LAMB4: variants seen among roughly 807,000 people sequenced by gnomAD.
LAMB4 encodes the protein laminin subunit beta-4.
In LAMB4, 196 loss-of-function variants were observed where a neutral mutation model predicts 199.2. That is an observed-to-expected ratio of 0.98 (90% CI 0.88 to 1.11). The LOEUF is 1.11. Among genes scored for constraint, LAMB4 ranks in the 50% least tolerant of loss-of-function variants. The pLI is 0.00. For missense variants in LAMB4, 2,080 were observed against 2,171.2 expected, an observed-to-expected ratio of 0.96 and a Z score of 0.83; for synonymous variants, 744 against 770.6, an observed-to-expected ratio of 0.97 and a Z score of 0.57.
At chr7:108,092,474 G>A (rs375892283) in intron 12 of LAMB4, 58 bp from the exon 13 acceptor site, 2 of 1,298,486 alleles carry the variant, frequency 1.5e-6, no homozygotes, top group South Asian at 1.2e-5. Flanking sequence ...GCTCTGAAGT[G>A]CAACACTGAA....
chr7:108,108,483 C>T (rs2038103460), intron 5 of LAMB4, among the ~76,000 whole-genome samples: 1 of 152,136 alleles, frequency 6.6e-6, no homozygotes, highest in Admixed American at 6.5e-5. Context: ...AAACCCTATC[C>T]ATGAAATTTA....
At chr7:108,115,091 T>G (rs1312963591) in intron 3 of LAMB4, among the ~76,000 whole-genome samples, 1 of 152,160 alleles carries the variant, frequency 6.6e-6, no homozygotes, top group African/African-American at 2.4e-5. Context: ...TCTTCAAACT[T>G]CATTAAATGA....
intron 10 of LAMB4, among the ~76,000 whole-genome samples, chr7:108,100,615 T>C (rs2037782402): frequency 6.6e-6 from 1 of 152,188 alleles, no homozygotes. Context: ...TACTCAGTGG[T>C]TCTTAAGGAA....
intron 33 of LAMB4, among the ~76,000 whole-genome samples, chr7:108,027,861 C>T (rs185725415): frequency 3.3e-5 from 5 of 152,326 alleles, no homozygotes; most frequent in African/African-American, 9.6e-5. Context: ...TGGCTCACCG[C>T]AACCTCCGCC....
rs531175375 is a variant in LAMB4 at position 108,108,463 on chromosome 7, T to C, written c.403-644A>G. On this transcript the variant is annotated intron_variant, in intron 5 of 33. Coordinates refer to ENST00000388781, the MANE Select transcript of LAMB4 (RefSeq NM_007356.3). Reference sequence around the variant, plus strand: ...ATGCTTTTCCTCTGGCAAACTCTTATATATCCTTCAAACCCTATCCATGAA... The same window carrying C: ...ATGCTTTTCCTCTGGCAAACTCTTACATATCCTTCAAACCCTATCCATGAA... 4.6e-5 allele frequency among the ~76,000 whole-genome samples: 7 copies of C among 152,320 alleles called. No individual in the cohort carries two copies. In the South Asian group the frequency reaches 6.2e-4, roughly 14 times the overall value.
intron 29 of LAMB4, among the ~76,000 whole-genome samples, chr7:108,043,286 A>C (rs2035485314): frequency 6.6e-6 from 1 of 152,134 alleles, no homozygotes; most frequent in African/African-American, 2.4e-5. Flanking sequence ...GATGTTAGGG[A>C]ATCTGATAGA....
intron 3 of LAMB4, 141 bp downstream of exon 3, chr7:108,115,863 T>C: frequency 1.1e-6 from 1 of 885,044 alleles, no homozygotes; most frequent in African/African-American, 1.7e-5. Context: ...CCGTGGATAC[T>C]GAGGGACAAC....
rs2035961554 is a variant in LAMB4 at position 108,055,761 on chromosome 7, G to T, written c.3626C>A (p.Thr1209Asn). Residue 1209 changes from threonine to asparagine, a missense_variant, in exon 25 of 34, where the codon ACC becomes AAC. By Grantham distance (65) the Thr-to-Asn change is moderately conservative. Transcript: ENST00000388781. The part of the protein sequence containing the change: ...LAANMEDKRE[T>N]LPVCEADFKD... ...GAAGTCTGCCTCACAGACAGGCAGG[G>T]TCTCTCTTTTATCTTCCATGTTAGC... is the stretch of plus-strand genomic sequence containing the variant. 1 of 1,614,188 alleles carries T rather than the reference G, an allele frequency of 6.2e-7. No individual in the cohort carries two copies. Among genetic ancestry groups the T allele is most frequent in the African/African-American group, 1.3e-5 (1 of 75,038 alleles).
intron 25 of LAMB4, among the ~76,000 whole-genome samples, chr7:108,054,961 A>G (rs1256147420): frequency 1.3e-5 from 2 of 152,252 alleles, no homozygotes; most frequent in Non-Finnish European, 2.9e-5. Context: ...AGGCTTCTAA[A>G]CAACTGAAGA....
At chr7:108,024,363 A>C (rs2034762423) in intron 33 of LAMB4, among the ~76,000 whole-genome samples, 185 bp from the exon 34 acceptor site, 1 of 152,216 alleles carries the variant, frequency 6.6e-6, no homozygotes, top group Non-Finnish European at 1.5e-5. Context: ...AATTAGAGCA[A>C]ACTGACAATT....
intron 2 of LAMB4, 95 bp downstream of exon 2, chr7:108,123,036 T>C: frequency 9.0e-7 from 1 of 1,115,870 alleles, no homozygotes; most frequent in East Asian, 2.5e-5. Context: ...CATACAGCAC[T>C]ATAGAAGACA....
At chr7:108,127,889 T>G (rs372296348) in intron 1 of LAMB4, among the ~76,000 whole-genome samples, 1 of 152,146 alleles carries the variant, frequency 6.6e-6, no homozygotes, top group Admixed American at 6.5e-5. Flanking sequence ...GAGAGGAAGA[T>G]GCTGTATGGC....
At chr7:108,124,276 T>C (rs1421284635) in intron 1 of LAMB4, among the ~76,000 whole-genome samples, 1 of 152,238 alleles carries the variant, frequency 6.6e-6, no homozygotes, top group East Asian at 1.9e-4. Context: ...ATGTAGAAAC[T>C]AGAATTGATT....
At chr7:108,024,979 T>G (rs1381373646) in intron 33 of LAMB4, among the ~76,000 whole-genome samples, 1 of 152,230 alleles carries the variant, frequency 6.6e-6, no homozygotes, top group African/African-American at 2.4e-5. Context: ...GGAAGGTAAA[T>G]GTCTCACTTC....
intron 12 of LAMB4, among the ~76,000 whole-genome samples, chr7:108,093,708 A>T (rs1288060939): frequency 1.3e-5 from 2 of 152,186 alleles, no homozygotes; most frequent in Non-Finnish European, 2.9e-5. Flanking sequence ...CTCCTCCCAC[A>T]CATCTCAATT....
At chr7:108,106,113 T>C (rs1390662140) in intron 7 of LAMB4, 82 bp from the exon 8 acceptor site, 8 of 1,072,224 alleles carry the variant, frequency 7.5e-6, no homozygotes, top group Non-Finnish European at 1.1e-5. Context: ...ATACACTTAA[T>C]ATACTATAGA....
Position 108,068,139 on chromosome 7 carries a change from C to T in LAMB4, c.2323G>A (p.Gly775Ser), listed in dbSNP as rs565030184. 5 of 1,614,044 alleles carry T rather than the reference C, an allele frequency of 3.1e-6. No individual in the cohort carries two copies. The African/African-American group carries it at 6.7e-5, about 22-fold the overall frequency. Residue 775 changes from glycine (G) to serine (S), a missense_variant, in exon 19 of 34, where the codon GGC becomes AGC. Transcript: ENST00000388781. ...GAVACKCHPQGSVGSSCSRLG... is the reference protein window; with the variant it reads ...GAVACKCHPQSSVGSSCSRLG... ...CGGCTGCAGCTGGATCCGACTGAGCCCTGGGGGTGACACTTGCAGGCTGCA... is the reference window on the plus strand; with the variant it reads ...CGGCTGCAGCTGGATCCGACTGAGCTCTGGGGGTGACACTTGCAGGCTGCA...
intron 17 of LAMB4, among the ~76,000 whole-genome samples, chr7:108,070,447 C>A (rs557210027): frequency 1.3e-5 from 2 of 152,274 alleles, no homozygotes; most frequent in South Asian, 4.1e-4. Flanking sequence ...TGGGTCCCTT[C>A]TATGTGGATT....
chr7:108,045,079 G>A (rs932116824), intron 28 of LAMB4, among the ~76,000 whole-genome samples: 1 of 151,408 alleles, frequency 6.6e-6, no homozygotes, highest in Admixed American at 6.6e-5. Context: ...TTAAATTATA[G>A]TCACTGGCAA....
Sources: gnomAD v4.1 joint callset for allele counts (sites outside exome capture counted in the v4.1 genomes callset) on GRCh38, gnomAD v4.1.1 for gene constraint, MANE v1.5 for transcripts, NCBI Gene and HGNC (gene_info 2026-07-23, HGNC 2026-07-21) for gene names.